Variants in TMEM132D observed in about 807,000 individuals in gnomAD.
The protein encoded by TMEM132D is mature OL transmembrane protein.
TMEM132D carries 21 observed loss-of-function variants against 62.3 expected under a neutral mutation model. The ratio of observed to expected loss-of-function variants is 0.34; its 90% CI spans 0.24 to 0.49. TMEM132D has a LOEUF of 0.49. TMEM132D is among the 20% of genes least tolerant of loss of function. TMEM132D has a pLI of 0.99. For missense variants in TMEM132D, 1,346 were observed against 1,402.8 expected (o/e 0.96, Z 0.65); for synonymous variants, 621 against 575.6 (o/e 1.08, Z -1.13).
chr12:129,185,096 T>C (rs918910847), intron 5 of TMEM132D, among the ~76,000 whole-genome samples: 2 of 152,198 alleles, frequency 1.3e-5, no homozygotes, highest in Non-Finnish European at 2.9e-5. Context: ...TTCCAGAATA[T>C]TCTCTGAATT....
At chr12:129,521,212 C>T (rs374814560) in intron 3 of TMEM132D, 4 of 152,116 alleles carry the variant, frequency 2.6e-5, no homozygotes, top group African/African-American at 9.7e-5. Flanking sequence ...TCTTGTGATA[C>T]GAGTTGAATT....
chr12:129,892,406 T>G (rs1214698258), intron 1 of TMEM132D, among the ~76,000 whole-genome samples: 1 of 152,198 alleles, frequency 6.6e-6, no homozygotes, highest in Non-Finnish European at 1.5e-5. Context: ...TAATTCAATT[T>G]AAAGGATTTT....
chr12:129,270,305 T>C (rs1326386710), intron 4 of TMEM132D, among the ~76,000 whole-genome samples: 1 of 152,194 alleles, frequency 6.6e-6, no homozygotes, highest in African/African-American at 2.4e-5. Flanking sequence ...ACAAATCTGG[T>C]CTGGTTACCA....
intron 2 of TMEM132D, among the ~76,000 whole-genome samples, chr12:129,614,805 G>C: frequency 6.6e-6 from 1 of 152,156 alleles, no homozygotes; most frequent in South Asian, 2.1e-4. Flanking sequence ...GAATCCAAAT[G>C]ATATGAGAAA....
intron 2 of TMEM132D, among the ~76,000 whole-genome samples, chr12:129,536,588 G>A (rs1052240041): frequency 6.6e-6 from 1 of 152,166 alleles, no homozygotes; most frequent in Non-Finnish European, 1.5e-5. Flanking sequence ...CGATCTGGAC[G>A]TCTTGGCCCT....
intron 2 of TMEM132D, among the ~76,000 whole-genome samples, chr12:129,560,721 G>T (rs1000523695): frequency 5.3e-5 from 8 of 152,158 alleles, no homozygotes; most frequent in African/African-American, 1.9e-4. Context: ...AACAACAAAA[G>T]TTTATCTCCC....
chr12:129,837,281 C>T (rs913240362), intron 1 of TMEM132D, among the ~76,000 whole-genome samples: 16 of 152,144 alleles, frequency 1.1e-4, no homozygotes, highest in Admixed American at 6.5e-4. Flanking sequence ...AATTTATTCT[C>T]AAGGATATTC....
chr12:129,878,262 C>G (rs1481300751), intron 1 of TMEM132D, among the ~76,000 whole-genome samples: 1 of 152,198 alleles, frequency 6.6e-6, no homozygotes, highest in Admixed American at 6.5e-5. Flanking sequence ...TATCTATTCT[C>G]GACCTTCCTT....
intron 5 of TMEM132D, among the ~76,000 whole-genome samples, chr12:129,169,484 C>T (rs2135545706): frequency 6.6e-6 from 1 of 152,324 alleles, no homozygotes; most frequent in Non-Finnish European, 1.5e-5. Flanking sequence ...GTATCTAGGA[C>T]TGGCAATCTC....
chr12:129,657,848 C>T (rs142873287), intron 2 of TMEM132D, among the ~76,000 whole-genome samples: 7 of 152,292 alleles, frequency 4.6e-5, no homozygotes, highest in African/African-American at 1.4e-4. Context: ...CATTTGTTTC[C>T]GAAAAGGAGG....
At chr12:129,863,418 G>A (rs967149358) in intron 1 of TMEM132D, among the ~76,000 whole-genome samples, 5 of 152,184 alleles carry the variant, frequency 3.3e-5, no homozygotes, top group African/African-American at 7.2e-5. Context: ...TTAACACGGC[G>A]AGTCTGGTAT....
chr12:129,190,133 T>G (rs1469323718), intron 5 of TMEM132D, among the ~76,000 whole-genome samples: 2 of 25,706 alleles, frequency 7.8e-5, no homozygotes, highest in African/African-American at 1.2e-4. Context: ...GGCCTGCAGA[T>G]GGAGGGAGGG....
rs1881362314 is a variant in TMEM132D at position 129,700,546 on chromosome 12, G to A, written c.232C>T (p.Arg78Trp). ...DIMRNSSLQS[R>W]VESFLIYKSR... ...TTGTAAATCAGAAATGACTCCACCC[G>A]GGACTGCAGGCTGGAGTTCCTCATG... Residue 78 changes from arginine to tryptophan, a missense_variant, in exon 2 of 9, where the codon CGG becomes TGG. Coordinates refer to ENST00000422113, the MANE Select transcript of TMEM132D (RefSeq NM_133448.3). 3.1e-6 allele frequency: 5 copies of A among 1,613,932 alleles called. No individual in the cohort carries two copies. Among genetic ancestry groups the A allele is most frequent in the Non-Finnish European group, 4.2e-6 (5 of 1,180,030 alleles).
intron 3 of TMEM132D, among the ~76,000 whole-genome samples, chr12:129,402,810 G>A (rs900611173): frequency 6.6e-6 from 1 of 152,074 alleles, no homozygotes; most frequent in Non-Finnish European, 1.5e-5. Flanking sequence ...CAATGGAAGA[G>A]CTTGTGTGAG....
intron 4 of TMEM132D, among the ~76,000 whole-genome samples, chr12:129,218,433 C>T (rs930730891): frequency 9.9e-5 from 15 of 152,180 alleles, no homozygotes; most frequent in Admixed American, 7.2e-4. Context: ...CTGGGCTACA[C>T]ATCTGTATGG....
rs145513494 is a variant in TMEM132D, at chr12:129,536,906, C to T, written c.969-5701G>A. On this transcript the variant is annotated intron_variant, in intron 2 of 8. Transcript: ENST00000422113. Reference sequence around the variant, plus strand: ...GCGCGGTAGCTCACGCCTGTAATCCCAGCCATGTGGGAGGCCGAGGTGGGA... The same window carrying T: ...GCGCGGTAGCTCACGCCTGTAATCCTAGCCATGTGGGAGGCCGAGGTGGGA... Among the ~76,000 whole-genome samples the T allele has an allele frequency of 8.2e-3, 1,243 of 152,224 alleles. 24 individuals carry two copies. Among genetic ancestry groups the T allele is most frequent in the African/African-American group, 0.028 (1,183 of 41,538 alleles).
At chr12:129,507,039 G>A (rs1159210776) in intron 3 of TMEM132D, among the ~76,000 whole-genome samples, 1 of 151,988 alleles carries the variant, frequency 6.6e-6, no homozygotes. Context: ...ATCAAAAAGT[G>A]GGCTAAGGAC....
chr12:129,432,291 TTGGA>T (rs1343742913), intron 3 of TMEM132D, among the ~76,000 whole-genome samples: 2 of 20,964 alleles, frequency 9.5e-5, no homozygotes, highest in Admixed American at 4.8e-4. Flanking sequence ...GGATGGATGC[TTGGA>T]TGGATGGATG....
intron 1 of TMEM132D, among the ~76,000 whole-genome samples, chr12:129,739,006 T>C (rs1391401647): frequency 6.6e-6 from 1 of 152,146 alleles, no homozygotes; most frequent in East Asian, 1.9e-4. Flanking sequence ...CCCCAAATCA[T>C]GGGGCCAGAG....
Sources: gnomAD v4.1 joint callset for allele counts (sites outside exome capture counted in the v4.1 genomes callset) on GRCh38, gnomAD v4.1.1 for gene constraint, MANE v1.5 for transcripts, NCBI Gene and HGNC (gene_info 2026-07-23, HGNC 2026-07-21) for gene names.